Variants in TTN observed in about 807,000 individuals in gnomAD.
TTN encodes connectin.
Under a neutral mutation model 3,223.0 loss-of-function variants are expected in TTN, and 1,525 were observed. That is an observed-to-expected ratio of 0.47 (90% CI 0.45 to 0.49). The LOEUF (loss-of-function observed/expected upper bound fraction) is 0.49, where lower values mean the gene tolerates loss of function less well. Ranked by LOEUF, TTN falls within the 20% of genes least tolerant of loss-of-function variation. TTN has a pLI of 0.00. For missense variants in TTN, 40,786 were observed against 43,424.0 expected, an observed-to-expected ratio of 0.94 and a Z score of 5.40; for synonymous variants, 14,094 against 15,161.0, an observed-to-expected ratio of 0.93 and a Z score of 5.17.
intron 62 of TTN, 72 bp downstream of exon 62, chr2:178,730,021 T>TCCCCCCCCCCCGCCCAC: frequency 1.3e-6 from 2 of 1,558,136 alleles, no homozygotes; most frequent in Non-Finnish European, 1.8e-6. Context: ...GTCTTAAGCG[T>TCCCCCCCCCCCGCCCAC]CCCCCGCCCC....
intron 47 of TTN, chr2:178,749,208 T>C: frequency 6.2e-7 from 1 of 1,610,964 alleles, no homozygotes; most frequent in Middle Eastern, 1.7e-4. Flanking sequence ...TTTCCAAAAT[T>C]ATTTCTTATT....
Position 178,733,404 on chromosome 2 carries a change from C to A in TTN, c.15889G>T (p.Asp5297Tyr), listed in dbSNP as rs2080895374. The change falls in exon 54 of 363, where the codon GAT becomes TAT. Residue 5297 changes from aspartate (D) to tyrosine (Y), a missense_variant. Physicochemically the swap from Asp to Tyr is radical, Grantham distance 160. Coordinates refer to ENST00000589042, the MANE Select transcript of TTN (RefSeq NM_001267550.2). ...TPELKPKWYK[D>Y]GRPLVASKKY... ...TTACTGGCGACCAAGGGTCTCCCAT[C>A]TTTGTACCATTTGGGCTTCAGTTCT... The A allele has an allele frequency of 1.2e-6, 2 of 1,613,652 alleles. No homozygotes were observed. Among genetic ancestry groups the A allele is most frequent in the East Asian group, 2.2e-5 (1 of 44,870 alleles).
At chr2:178,714,616 A>G in intron 90 of TTN, 43 bp from the exon 91 acceptor site, 1 of 1,537,152 alleles carries the variant, frequency 6.5e-7, no homozygotes. Context: ...AATTTGTGAG[A>G]CTGACAGCAT....
At position 178,611,458 on chromosome 2, in the gene TTN, T is replaced by C. The variant is rs768626961; in HGVS notation, c.50771A>G (p.Tyr16924Cys). Residue 16924 changes from tyrosine (Y) to cysteine (C), a missense_variant, in exon 269 of 363, where the codon TAT becomes TGT. By Grantham distance (194) the Tyr-to-Cys change is radical (BLOSUM62 -2). Coordinates refer to ENST00000589042, the MANE Select transcript of TTN (RefSeq NM_001267550.2). ...ATTGACTGCTCTCACTCTCAGGACATATTCTTTGTCAGGAACAACACCTTC... is the reference window on the plus strand; with the variant it reads ...ATTGACTGCTCTCACTCTCAGGACACATTCTTTGTCAGGAACAACACCTTC... ...VEEGVVPDKE[Y>C]VLRVRAVNAI... 1 of 1,612,956 alleles carries C rather than the reference T, an allele frequency of 6.2e-7. No individual in the cohort carries two copies. The highest frequency in any genetic ancestry group is 1.1e-5 in the South Asian group (1 of 91,064).
At position 178,714,036 on chromosome 2, in the gene TTN, G is replaced by A; in HGVS notation, c.26622C>T (p.Asn8874=). Residue 8874 remains asparagine, a synonymous_variant, in exon 92 of 363, where the codon AAC becomes AAT. Coordinates refer to ENST00000589042, the MANE Select transcript of TTN (RefSeq NM_001267550.2). ...TGTTGAAGAAGCTTATTTTGTATTTGTTGTCACTTGTTAGCTCTTTTCCAT... is the reference window on the plus strand; with the variant it reads ...TGTTGAAGAAGCTTATTTTGTATTTATTGTCACTTGTTAGCTCTTTTCCAT... The part of the protein sequence containing the change: ...FKDGKELTSD[N]KYKISFFNKV... 1.2e-6 allele frequency: 2 copies of A among 1,613,532 alleles called. No individual in the cohort carries two copies. Among genetic ancestry groups the A allele is most frequent in the South Asian group, 1.1e-5 (1 of 91,058 alleles).
Position 178,568,540 on chromosome 2 carries a change from A to T in TTN, c.77592T>A (p.Asp25864Glu). The change falls in exon 326 of 363, where the codon GAT (aspartate) becomes GAA (glutamate). Residue 25864 changes from aspartate to glutamate, a missense_variant. Physicochemically the swap from Asp to Glu is conservative, Grantham distance 45. Transcript: ENST00000589042. Reference sequence around the variant, plus strand: ...CAACTGTGATTCCATATTGTCCACCATCATCCTTATGAGTTTCTTTAATAC... The same window carrying T: ...CAACTGTGATTCCATATTGTCCACCTTCATCCTTATGAGTTTCTTTAATAC... Reference protein sequence around the residue: ...TLSIKETHKDDGGQYGITVAN... With the variant: ...TLSIKETHKDEGGQYGITVAN... 1 of 1,613,470 alleles carries T rather than the reference A, an allele frequency of 6.2e-7. No individual in the cohort carries two copies. Among genetic ancestry groups the T allele is most frequent in the Non-Finnish European group, 8.5e-7 (1 of 1,179,586 alleles).
rs1219872673 is a variant in TTN, at chr2:178,695,891, A to G, written c.31181T>C (p.Ile10394Thr). 10 of 1,458,978 alleles carry G rather than the reference A, an allele frequency of 6.9e-6. No homozygotes were observed. Among genetic ancestry groups the G allele is most frequent in the Non-Finnish European group, 9.0e-6 (10 of 1,106,688 alleles). The allele number at this position is 1,458,978 out of a possible 1,614,324, so 90.4% of individuals were successfully genotyped here. Residue 10394 changes from isoleucine to threonine, a missense_variant, in exon 114 of 363, where the codon ATT (isoleucine) becomes ACT (threonine). Ile to Thr is a moderately conservative substitution (Grantham distance 89). Coordinates refer to ENST00000589042, the MANE Select transcript of TTN (RefSeq NM_001267550.2). ...TTCATAGACCTCCTTTTGAACTTGA[A>G]TTACTTCCCTTTCTTGGTAAGCCTC... is the stretch of plus-strand genomic sequence containing the variant. ...WEEAYQEREVIQVQKEVYEES... is the reference protein window; with the variant it reads ...WEEAYQEREVTQVQKEVYEES...
intron 253 of TTN, 44 bp downstream of exon 253, chr2:178,617,735 C>T: frequency 6.2e-7 from 1 of 1,601,000 alleles, no homozygotes; most frequent in East Asian, 2.2e-5. Context: ...GGCCTAATAT[C>T]TGGATTTCAT....
Position 178,725,568 on chromosome 2 carries a change from C to T in TTN, c.20636G>A (p.Gly6879Asp), listed in dbSNP as rs370099653. The T allele has an allele frequency of 2.5e-6, 4 of 1,612,698 alleles. No homozygotes were observed. The highest frequency in any genetic ancestry group is 3.4e-6 in the Non-Finnish European group (4 of 1,179,322). The change falls in exon 71 of 363, where the codon GGC becomes GAC. Residue 6879 changes from glycine to aspartate, a missense_variant. Gly to Asp is a moderately conservative substitution (Grantham distance 94). Coordinates refer to ENST00000589042, the MANE Select transcript of TTN (RefSeq NM_001267550.2). ...EPAELQASIE[G>D]AQPIFVQWLK... is the part of the protein sequence containing the mutation. ...CCACTGGACAAAAATAGGCTGGGCG[C>T]CTTCTATGGATGCTTGTAATTCAGC...
In TTN at chr2:178,608,162, T is replaced by C; in HGVS notation, c.52705+16A>G. On this transcript the variant is annotated intron_variant, in intron 275 of 362. Coordinates refer to ENST00000589042, the MANE Select transcript of TTN (RefSeq NM_001267550.2). ...TAGCTTGTTCTACTCCACCTTCTTC[T>C]TAAGGAACTACTTACAGATTGGATC... The C allele has an allele frequency of 1.2e-6, 2 of 1,600,788 alleles. No individual in the cohort carries two copies. Among genetic ancestry groups the C allele is most frequent in the Non-Finnish European group, 1.7e-6 (2 of 1,173,568 alleles).
Position 178,767,938 on chromosome 2 carries a change from G to T in TTN, c.9306-14C>A, listed in dbSNP as rs1574526731. 1.2e-6 allele frequency: 2 copies of T among 1,614,010 alleles called. No homozygotes were observed. The highest frequency in any genetic ancestry group is 1.1e-5 in the South Asian group (1 of 91,078). ...TGAATCTTTATTCTATGGATGAAAT[G>T]GAAATTCGAGTTTACCGTATGGTGA... On this transcript the variant is annotated splice_polypyrimidine_tract_variant and intron_variant, in intron 39 of 362. Transcript: ENST00000589042.
intron 47 of TTN, chr2:178,748,791 AG>A (rs780014827): frequency 6.2e-7 from 1 of 1,612,166 alleles, no homozygotes; most frequent in South Asian, 1.1e-5. Flanking sequence ...TGAGTTTGAG[AG>A]GAAAGCAGCT....
Position 178,725,803 on chromosome 2 carries a change from C to A in TTN, c.20519G>T (p.Gly6840Val), listed in dbSNP as rs1413034567. ...TACAGTACAAACACAAGTATCACTT[C>A]CCACTTCATTCTGTGCTTTGCAGTG... is the stretch of plus-strand genomic sequence containing the variant. ...EYHCKAQNEV[G>V]SDTCVCTVKL... The change falls in exon 70 of 363, where the codon GGA (glycine) becomes GTA (valine). Residue 6840 changes from glycine to valine, a missense_variant. Physicochemically the swap from Gly to Val is moderately radical, Grantham distance 109. Coordinates refer to ENST00000589042, the MANE Select transcript of TTN (RefSeq NM_001267550.2). 6.2e-7 allele frequency: 1 copy of A among 1,608,480 alleles called. No individual in the cohort carries two copies. The highest frequency in any genetic ancestry group is 8.5e-7 in the Non-Finnish European group (1 of 1,176,392).
chr2:178,609,895 C>T lies in TTN; in HGVS notation c.51528G>A (p.Gly17176=). 6.2e-7 allele frequency: 1 copy of T among 1,612,960 alleles called. No homozygotes were observed. The highest frequency in any genetic ancestry group is 8.5e-7 in the Non-Finnish European group (1 of 1,179,252). The change falls in exon 272 of 363, where the codon GGG becomes GGA. Residue 17176 remains glycine, a synonymous_variant. Transcript: ENST00000589042. ...CTATGATGTAGCCCATTATCTTGCT[C>T]CCTCCATCATACAAAGGTGGCTTCC... ...ITWKPPLYDG[G]SKIMGYIIEK...
Position 178,594,179 on chromosome 2 carries a change from G to T in TTN, c.58214C>A (p.Ala19405Asp). 3 of 1,613,322 alleles carry T rather than the reference G, an allele frequency of 1.9e-6. No individual in the cohort carries two copies. Among genetic ancestry groups the T allele is most frequent in the Non-Finnish European group, 2.5e-6 (3 of 1,179,592 alleles). The change falls in exon 297 of 363, where the codon GCC becomes GAC. Residue 19405 changes from alanine to aspartate, a missense_variant. Transcript: ENST00000589042. ...KLTIRVGEAF[A>D]LTGRYSGKPK... is the part of the protein sequence containing the mutation. The stretch of plus-strand genomic sequence containing the variant: ...TTTGCCTGAGTAACGGCCAGTGAGG[G>T]CAAAAGCTTCACCAACTCGAATCGT...
chr2:178,707,758 T>C lies in TTN; in HGVS notation c.28809A>G (p.Glu9603=), dbSNP rs1157488221. ...GGCAGCTGAGCTGCACGTATTCTCC[T>C]TCACTCACTGTTACTGGAGTAAGGT... The part of the protein sequence containing the change: ...DQHLTPVTVS[E]GEYVQLSCHV... Residue 9603 remains glutamate, a synonymous_variant, in exon 100 of 363, where the codon GAA becomes GAG. Transcript: ENST00000589042. The C allele has an allele frequency of 2.5e-6, 4 of 1,613,856 alleles. No homozygotes were observed. Among genetic ancestry groups the C allele is most frequent in the Non-Finnish European group, 3.4e-6 (4 of 1,179,756 alleles).
chr2:178,586,783 A>G lies in TTN; in HGVS notation c.64118T>C (p.Leu21373Ser), dbSNP rs1435172600. 6 of 1,612,640 alleles carry G rather than the reference A, an allele frequency of 3.7e-6. No individual in the cohort carries two copies. Among genetic ancestry groups the G allele is most frequent in the Non-Finnish European group, 5.1e-6 (6 of 1,179,222 alleles). Residue 21373 changes from leucine (L) to serine (S), a missense_variant, in exon 308 of 363, where the codon TTA becomes TCA. Leu to Ser is a moderately radical substitution (Grantham distance 145). Coordinates refer to ENST00000589042, the MANE Select transcript of TTN (RefSeq NM_001267550.2). Reference protein sequence around the residue: ...PLSEPDPPRKLEVTEMTKNSA... With the variant: ...PLSEPDPPRKSEVTEMTKNSA... ...GTTCTTGGTCATTTCAGTCACTTCT[A>G]ATTTCCTTGGGGGATCCGGCTCACC... is the stretch of plus-strand genomic sequence containing the variant.
chr2:178,773,754 T>C (rs759827638), intron 31 of TTN, 29 bp from the exon 32 acceptor site: 1 of 1,614,096 alleles, frequency 6.2e-7, no homozygotes, highest in Admixed American at 1.7e-5. Context: ...ACAAGATGAA[T>C]GAATTTTGTT....
At position 178,593,642 on chromosome 2, in the gene TTN, C is replaced by T. The variant is rs543279513; in HGVS notation, c.58658G>A (p.Arg19553Gln). The T allele has an allele frequency of 7.4e-6, 12 of 1,612,986 alleles. No homozygotes were observed. The highest frequency in any genetic ancestry group is 5.3e-5 in the African/African-American group (4 of 75,004). Residue 19553 changes from arginine to glutamine, a missense_variant, in exon 298 of 363, where the codon CGG becomes CAG. Transcript: ENST00000589042. ...TCCATACAGATTTTCAGCATGTATCCGGAAAATATAATCTTTTCCTTCAAG... is the reference window on the plus strand; with the variant it reads ...TCCATACAGATTTTCAGCATGTATCTGGAAAATATAATCTTTTCCTTCAAG... ...KLLEGKDYIF[R>Q]IHAENLYGIS...
Sources: allele counts gnomAD v4.1 joint callset, GRCh38; gene constraint gnomAD v4.1.1; transcripts MANE v1.5; gene names NCBI Gene and HGNC (gene_info 2026-07-23, HGNC 2026-07-21).